The following PDE1A variants were observed in gnomAD, a reference collection of about 807,000 sequenced individuals.
The protein encoded by PDE1A is dual specificity calcium/calmodulin-dependent 3',5'-cyclic nucleotide phosphodiesterase 1A.
Under a neutral mutation model 61.7 loss-of-function variants are expected in PDE1A, and 35 were observed. That is an observed-to-expected ratio of 0.57 (90% CI 0.43 to 0.75). The LOEUF (loss-of-function observed/expected upper bound fraction) is 0.75. Among genes scored for constraint, PDE1A ranks in the 30% least tolerant of loss-of-function variants. The pLI is 0.00. For missense variants in PDE1A, 597 were observed against 630.6 expected, an observed-to-expected ratio of 0.95 and a Z score of 0.57; for synonymous variants, 232 against 213.2, an observed-to-expected ratio of 1.09 and a Z score of -0.77.
intron 1 of PDE1A, among the ~76,000 whole-genome samples, chr2:182,412,817 G>C (rs1702695201): frequency 6.6e-6 from 1 of 152,120 alleles, no homozygotes; most frequent in South Asian, 2.1e-4. Flanking sequence ...ACACTAAGAA[G>C]GGGAAATAGG....
chr2:182,620,107 G>C, the PDE1A span, among the ~76,000 whole-genome samples: 1 of 152,108 alleles, frequency 6.6e-6, no homozygotes, highest in Non-Finnish European at 1.5e-5. Flanking sequence ...AGTCTACTGG[G>C]ATTTTTGGTG....
chr2:182,397,660 G>GT (rs1320976181), intron 1 of PDE1A, among the ~76,000 whole-genome samples: 1 of 152,024 alleles, frequency 6.6e-6, no homozygotes. Context: ...TGTCTTTTCA[G>GT]TTTTTTTCCT....
At chr2:182,348,103 T>C (rs1285676634) in intron 1 of PDE1A, among the ~76,000 whole-genome samples, 2 of 152,180 alleles carry the variant, frequency 1.3e-5, no homozygotes, top group African/African-American at 4.8e-5. Flanking sequence ...AGCATTTTTG[T>C]CATTTATTTG....
chr2:182,173,901 A>G (rs1456977977), intron 13 of PDE1A, among the ~76,000 whole-genome samples: 1 of 152,088 alleles, frequency 6.6e-6, no homozygotes, highest in African/African-American at 2.4e-5. Context: ...ACAACTTTTT[A>G]AAGTAATTCA....
chr2:182,347,384 T>C (rs1282419837), intron 1 of PDE1A, among the ~76,000 whole-genome samples: 1 of 152,160 alleles, frequency 6.6e-6, no homozygotes, highest in South Asian at 2.1e-4. Context: ...TCTTCGGAGC[T>C]TTCAGTATAA....
At chr2:182,701,626 C>G in the PDE1A span, among the ~76,000 whole-genome samples, 1 of 152,090 alleles carries the variant, frequency 6.6e-6, no homozygotes, top group Non-Finnish European at 1.5e-5. Flanking sequence ...AAGTGATCCA[C>G]CCGCCTCGGC....
the PDE1A span, among the ~76,000 whole-genome samples, chr2:182,608,654 G>A: frequency 3.2e-4 from 48 of 152,324 alleles, no homozygotes; most frequent in Admixed American, 2.9e-3. Flanking sequence ...GGCAGGGCTC[G>A]GGACCTGCAG....
intron 2 of PDE1A, among the ~76,000 whole-genome samples, chr2:182,477,913 T>A (rs1687472472): frequency 6.6e-6 from 1 of 151,954 alleles, no homozygotes; most frequent in African/African-American, 2.4e-5. Context: ...GACTGGGGGA[T>A]CTTCATTCTC....
At chr2:182,621,528 C>T in the PDE1A span, among the ~76,000 whole-genome samples, 2 of 152,000 alleles carry the variant, frequency 1.3e-5, no homozygotes, top group African/African-American at 2.4e-5. Context: ...AAACTGAGGT[C>T]TGTTGTGTTC....
chr2:182,375,677 G>A (rs1417318930), intron 1 of PDE1A, among the ~76,000 whole-genome samples: 1 of 152,210 alleles, frequency 6.6e-6, no homozygotes, highest in African/African-American at 2.4e-5. Flanking sequence ...GCTCCACTAT[G>A]TGGTACCCCA....
intron 1 of PDE1A, among the ~76,000 whole-genome samples, chr2:182,349,674 C>T (rs562858330): frequency 1.2e-4 from 19 of 152,208 alleles, no homozygotes; most frequent in African/African-American, 4.1e-4. Context: ...GCAGGAGAAT[C>T]GCTTGAATCC....
chr2:182,542,524 A>G, the PDE1A span, among the ~76,000 whole-genome samples: 1 of 152,202 alleles, frequency 6.6e-6, no homozygotes, highest in Admixed American at 6.5e-5. Context: ...TATCTAATAT[A>G]TTCCAAGTGT....
intron 3 of PDE1A, among the ~76,000 whole-genome samples, chr2:182,236,071 A>C (rs1323043165): frequency 6.6e-6 from 1 of 152,172 alleles, no homozygotes; most frequent in Non-Finnish European, 1.5e-5. Flanking sequence ...GTAGCTCTCC[A>C]TTTTATTCTA....
chr2:182,349,617 A>G (rs981559107), intron 1 of PDE1A, among the ~76,000 whole-genome samples: 2 of 152,164 alleles, frequency 1.3e-5, no homozygotes, highest in South Asian at 4.1e-4. Context: ...AGCCTTCTAG[A>G]CATGGTACTT....
chr2:182,542,511 T>C, the PDE1A span, among the ~76,000 whole-genome samples: 5 of 152,204 alleles, frequency 3.3e-5, no homozygotes, highest in Non-Finnish European at 7.4e-5. Context: ...AAATTACATA[T>C]AGTATCTAAT....
chr2:182,270,382 T>C (rs1415078022), intron 1 of PDE1A, among the ~76,000 whole-genome samples: 1 of 152,086 alleles, frequency 6.6e-6, no homozygotes, highest in African/African-American at 2.4e-5. Flanking sequence ...TATAACCAAG[T>C]ACTCTGAATA....
At chr2:182,531,320 T>A in the PDE1A span, among the ~76,000 whole-genome samples, 1 of 150,790 alleles carries the variant, frequency 6.6e-6, no homozygotes, top group Admixed American at 6.6e-5. Context: ...TAAATGCTGG[T>A]CTATAAGAAA....
upstream of PDE1A, among the ~76,000 whole-genome samples, chr2:182,527,971 T>C (rs560699373): frequency 2.0e-5 from 3 of 152,192 alleles, no homozygotes; most frequent in African/African-American, 7.2e-5. Context: ...ATTAAACCGC[T>C]TTTTCTTTAT....
the PDE1A span, among the ~76,000 whole-genome samples, chr2:182,661,093 G>T: frequency 6.6e-6 from 1 of 152,138 alleles, no homozygotes; most frequent in African/African-American, 2.4e-5. Context: ...GAATGTTTAC[G>T]CCTAGTGAGT....
Sources: allele counts gnomAD v4.1 joint callset (sites outside exome capture counted in the v4.1 genomes callset), GRCh38; gene constraint gnomAD v4.1.1; transcripts MANE v1.5; gene names NCBI Gene and HGNC (gene_info 2026-07-23, HGNC 2026-07-21).